Variants in AMPH observed in about 807,000 individuals in gnomAD.
AMPH encodes amphiphysin.
Under a neutral mutation model 99.1 loss-of-function variants are expected in AMPH, and 49 were observed. The ratio of observed to expected loss-of-function variants is 0.49; its 90% CI spans 0.39 to 0.63. The LOEUF (loss-of-function observed/expected upper bound fraction) is 0.63, where lower values mean the gene tolerates loss of function less well. Among genes scored for constraint, AMPH ranks in the 20% least tolerant of loss-of-function variants. AMPH has a pLI of 0.00. For missense variants in AMPH, 759 were observed against 863.4 expected, an observed-to-expected ratio of 0.88 and a Z score of 1.52; for synonymous variants, 314 against 317.3, an observed-to-expected ratio of 0.99 and a Z score of 0.11.
intron 1 of AMPH, among the ~76,000 whole-genome samples, chr7:38,552,672 A>G (rs1213014379): frequency 1.3e-5 from 2 of 152,126 alleles, no homozygotes; most frequent in Non-Finnish European, 2.9e-5. Flanking sequence ...TGGGATGCAC[A>G]CATCAGCACC....
At chr7:38,401,899 A>G (rs1424010731) in intron 17 of AMPH, among the ~76,000 whole-genome samples, 3 of 151,716 alleles carry the variant, frequency 2.0e-5, no homozygotes, top group Non-Finnish European at 2.9e-5. Flanking sequence ...CTGCTTCTGT[A>G]ACATTCTTAT....
At position 38,421,339 on chromosome 7, in the gene AMPH, C is replaced by T. The variant is rs76519231; in HGVS notation, c.1272+1082G>A. On this transcript the variant is annotated intron_variant, in intron 16 of 20. Coordinates refer to ENST00000356264, the MANE Select transcript of AMPH (RefSeq NM_001635.4). ...ATTCATGATTGATAATTAAAAATTC[C>T]GTTCTCCATCTTCATCACTCAGCTG... Among the ~76,000 whole-genome samples, 462 of 152,282 alleles carry T rather than the reference C, an allele frequency of 3.0e-3. 4 individuals carry two copies. The highest frequency in any genetic ancestry group is 0.011 in the African/African-American group (440 of 41,570).
chr7:38,610,913 A>G (rs1481882847), intron 1 of AMPH, among the ~76,000 whole-genome samples: 2 of 152,160 alleles, frequency 1.3e-5, no homozygotes, highest in African/African-American at 4.8e-5. Context: ...AGTGAATGGT[A>G]CCCAGACATT....
At position 38,534,886 on chromosome 7, in the gene AMPH, C is replaced by T. The variant is rs761759293; in HGVS notation, c.150+45G>A. ...TTACTTACATACTAAGACACAAACA[C>T]ATTTAAACAATTTCCCACTCCAGAA... On this transcript the variant is annotated intron_variant, in intron 2 of 20. Transcript: ENST00000356264. 3 of 1,540,450 alleles carry T rather than the reference C, an allele frequency of 1.9e-6. No individual in the cohort carries two copies. The South Asian group carries it at 3.4e-5, about 17-fold the overall frequency.
chr7:38,516,420 G>A (rs1317636228), intron 2 of AMPH, among the ~76,000 whole-genome samples: 1 of 152,232 alleles, frequency 6.6e-6, no homozygotes, highest in East Asian at 1.9e-4. Flanking sequence ...GAGGATGTAA[G>A]CTATAAGGCT....
chr7:38,592,236 G>A (rs1296805677), intron 1 of AMPH, among the ~76,000 whole-genome samples: 2 of 152,342 alleles, frequency 1.3e-5, no homozygotes, highest in Admixed American at 1.3e-4. Flanking sequence ...AACCTTCAGC[G>A]TGGGCGTCAT....
chr7:38,624,739 C>T (rs549822228), intron 1 of AMPH, among the ~76,000 whole-genome samples: 44 of 152,022 alleles, frequency 2.9e-4, no homozygotes, highest in African/African-American at 1.0e-3. Flanking sequence ...AAAGGCATTT[C>T]GTTAAACATG....
Position 38,436,185 on chromosome 7 carries a change from C to A in AMPH, c.1134+87G>T, listed in dbSNP as rs1786254437. ...ACCAAAAATAAAAATAGATAGTAGTCATGAAAGGTATAGGGATCATTGGTT... is the reference window on the plus strand; with the variant it reads ...ACCAAAAATAAAAATAGATAGTAGTAATGAAAGGTATAGGGATCATTGGTT... On this transcript the variant is annotated intron_variant, in intron 12 of 20. Coordinates refer to ENST00000356264, the MANE Select transcript of AMPH (RefSeq NM_001635.4). 9.5e-6 allele frequency: 9 copies of A among 945,086 alleles called. No individual in the cohort carries two copies. In the East Asian group the frequency reaches 1.9e-4, roughly 20 times the overall value. 58.5% of individuals were successfully genotyped at this position (945,086 alleles called of 1,614,324 possible).
chr7:38,526,632 G>C (rs1008539653), intron 2 of AMPH, among the ~76,000 whole-genome samples: 1 of 151,594 alleles, frequency 6.6e-6, no homozygotes, highest in African/African-American at 2.4e-5. Context: ...TTTTTACTAC[G>C]GAGTTTTAAG....
intron 1 of AMPH, among the ~76,000 whole-genome samples, chr7:38,573,529 C>T (rs987591744): frequency 4.6e-5 from 7 of 152,186 alleles, no homozygotes; most frequent in African/African-American, 1.4e-4. Context: ...GTTTTTCAGA[C>T]ATGTTGTAAC....
chr7:38,572,105 A>G (rs1427672772), intron 1 of AMPH, among the ~76,000 whole-genome samples: 1 of 151,980 alleles, frequency 6.6e-6, no homozygotes, highest in African/African-American at 2.4e-5. Flanking sequence ...GGGTTTCTCC[A>G]TGTTGGTCAG....
At chr7:38,538,439 C>A (rs1283941367) in intron 1 of AMPH, among the ~76,000 whole-genome samples, 3 of 152,134 alleles carry the variant, frequency 2.0e-5, no homozygotes, top group Non-Finnish European at 2.9e-5. Flanking sequence ...AGGTGTGGAA[C>A]TGGAGTGGAC....
chr7:38,442,808 A>G (rs1477315242), intron 11 of AMPH, among the ~76,000 whole-genome samples: 1 of 152,070 alleles, frequency 6.6e-6, no homozygotes, highest in African/African-American at 2.4e-5. Flanking sequence ...ACATAAACAG[A>G]GCAATAAAAC....
chr7:38,546,591 C>T (rs1044559169), intron 1 of AMPH, among the ~76,000 whole-genome samples: 2 of 152,100 alleles, frequency 1.3e-5, no homozygotes, highest in African/African-American at 4.8e-5. Flanking sequence ...TATTGTGTTA[C>T]CAGTATGTGC....
intron 1 of AMPH, among the ~76,000 whole-genome samples, chr7:38,629,528 C>T (rs1265289227): frequency 6.6e-6 from 1 of 152,184 alleles, no homozygotes; most frequent in Non-Finnish European, 1.5e-5. Flanking sequence ...GACTTGAATG[C>T]TCCGTAAGAG....
chr7:38,422,316 A>G (rs1785607258), intron 16 of AMPH, 105 bp downstream of exon 16: 2 of 920,724 alleles, frequency 2.2e-6, no homozygotes. Flanking sequence ...GGATCCAGAA[A>G]CCACATTCTG....
chr7:38,513,812 T>G (rs1293572935), intron 2 of AMPH, among the ~76,000 whole-genome samples: 1 of 152,214 alleles, frequency 6.6e-6, no homozygotes, highest in African/African-American at 2.4e-5. Flanking sequence ...AGATACTTTC[T>G]CCTCCTGCCT....
chr7:38,434,744 A>G (rs1396504097), intron 12 of AMPH, among the ~76,000 whole-genome samples: 1 of 36,622 alleles, frequency 2.7e-5, no homozygotes, highest in Non-Finnish European at 4.3e-5. Context: ...ATCTCAAAGA[A>G]AAAAAAAAAA....
At chr7:38,619,766 T>C (rs991260036) in intron 1 of AMPH, among the ~76,000 whole-genome samples, 1 of 152,234 alleles carries the variant, frequency 6.6e-6, no homozygotes, top group Non-Finnish European at 1.5e-5. Context: ...TACAAGGACT[T>C]AGGTCTCAAC....
Sources: gnomAD v4.1 joint callset for allele counts (sites outside exome capture counted in the v4.1 genomes callset) on GRCh38, gnomAD v4.1.1 for gene constraint, MANE v1.5 for transcripts, NCBI Gene and HGNC (gene_info 2026-07-23, HGNC 2026-07-21) for gene names.